ATP9B: variants seen among roughly 807,000 people sequenced by gnomAD.
ATP9B encodes probable phospholipid-transporting ATPase IIB.
Under a neutral mutation model 146.1 loss-of-function variants are expected in ATP9B, and 110 were observed. The ratio of observed to expected loss-of-function variants is 0.75; its 90% CI spans 0.65 to 0.88. The LOEUF (loss-of-function observed/expected upper bound fraction) is 0.88, where lower values mean the gene tolerates loss of function less well. ATP9B is among the 40% of genes least tolerant of loss of function. The pLI is 0.00. For missense variants in ATP9B, 1,499 were observed against 1,496.4 expected (o/e 1.00, Z -0.03); for synonymous variants, 604 against 569.7 (o/e 1.06, Z -0.86).
chr18:79,195,577 A>C (rs2095410545), intron 9 of ATP9B, among the ~76,000 whole-genome samples: 1 of 152,270 alleles, frequency 6.6e-6, no homozygotes, highest in Non-Finnish European at 1.5e-5. Flanking sequence ...TACTTAGGAA[A>C]GAACACCATA....
intron 17 of ATP9B, among the ~76,000 whole-genome samples, chr18:79,332,211 C>T (rs893299982): frequency 4.7e-4 from 72 of 152,174 alleles, no homozygotes; most frequent in African/African-American, 6.5e-4. Context: ...GGGCAGATCA[C>T]GAGGTCAGGA....
intron 13 of ATP9B, among the ~76,000 whole-genome samples, chr18:79,292,269 C>G (rs1488119052): frequency 2.0e-5 from 3 of 152,164 alleles, no homozygotes; most frequent in African/African-American, 7.2e-5. Flanking sequence ...GAGCAAAACT[C>G]TCTCTGTATG....
intron 1 of ATP9B, among the ~76,000 whole-genome samples, chr18:79,081,399 AGAG>A (rs1429480082): frequency 1.3e-5 from 2 of 151,972 alleles, no homozygotes; most frequent in Non-Finnish European, 2.9e-5. Flanking sequence ...TTATTTGCAT[AGAG>A]GTGTTTATAG....
At chr18:79,347,693 A>C (rs1290341395) in intron 23 of ATP9B, 77 bp from the exon 24 acceptor site, 3 of 1,435,778 alleles carry the variant, frequency 2.1e-6, no homozygotes, top group Non-Finnish European at 2.8e-6. Flanking sequence ...ATTTAGGCTG[A>C]GTTCTAAAAC....
At chr18:79,174,295 T>C (rs531026495) in intron 7 of ATP9B, 1 of 221,900 alleles carries the variant, frequency 4.5e-6, no homozygotes, top group African/African-American at 2.3e-5. Context: ...GCTCATTAAA[T>C]GGCCAGTCTT....
At chr18:79,281,007 G>C (rs1349766235) in intron 13 of ATP9B, among the ~76,000 whole-genome samples, 1 of 151,758 alleles carries the variant, frequency 6.6e-6, no homozygotes, top group Non-Finnish European at 1.5e-5. Flanking sequence ...TTTTTAAATA[G>C]AAAAACAAGA....
In ATP9B at chr18:79,253,491, C is replaced by T; in HGVS notation, c.1218C>T (p.Tyr406=). 1 of 1,609,410 alleles carries T rather than the reference C, an allele frequency of 6.2e-7. No homozygotes were observed. Among genetic ancestry groups the T allele is most frequent in the Non-Finnish European group, 8.5e-7 (1 of 1,178,630 alleles). Residue 406 remains tyrosine, a synonymous_variant, in exon 12 of 30, where the codon TAC becomes TAT. Coordinates refer to ENST00000426216, the MANE Select transcript of ATP9B (RefSeq NM_198531.5). ...VTLQGFVGPW[Y]RNLFRFLLLF... is the part of the protein sequence containing the mutation. ...TACAAGGATTTGTGGGTCCATGGTA[C>T]CGCAATCTTTTTCGGTTCCTTCTCC... is the stretch of plus-strand genomic sequence containing the variant.
intron 12 of ATP9B, among the ~76,000 whole-genome samples, chr18:79,275,803 C>G (rs1244227685): frequency 6.6e-6 from 1 of 152,124 alleles, no homozygotes; most frequent in African/African-American, 2.4e-5. Context: ...TTTTAAATAG[C>G]GAAAGATGGT....
chr18:79,266,469 C>T (rs1430897100), intron 12 of ATP9B, among the ~76,000 whole-genome samples: 3 of 151,794 alleles, frequency 2.0e-5, no homozygotes, highest in African/African-American at 7.3e-5. Flanking sequence ...GTTTCTGCAG[C>T]AAAGATCTTC....
intron 4 of ATP9B, among the ~76,000 whole-genome samples, chr18:79,116,690 C>CAT (rs1420677542): frequency 4.0e-5 from 2 of 49,666 alleles, no homozygotes; most frequent in Non-Finnish European, 8.0e-5. Context: ...CCAAACACCG[C>CAT]ATATTCTCAC....
chr18:79,170,487 G>T (rs1199442836), intron 7 of ATP9B, among the ~76,000 whole-genome samples: 2 of 152,100 alleles, frequency 1.3e-5, no homozygotes, highest in Non-Finnish European at 2.9e-5. Flanking sequence ...ACACTTTTAG[G>T]TTGGCCTTTT....
chr18:79,252,984 G>A lies in ATP9B; in HGVS notation c.1108-397G>A, dbSNP rs373434451. Among the ~76,000 whole-genome samples, 11 of 152,298 alleles carry A rather than the reference G, an allele frequency of 7.2e-5. No individual in the cohort carries two copies. In the East Asian group the frequency reaches 1.4e-3, roughly 19 times the overall value. ...GGCGTAGCACATGCAAGGAAGACCC[G>A]CCTGCGCCCTCAGAAGTCTCTGTTC... On this transcript the variant is annotated intron_variant, in intron 11 of 29. Coordinates refer to ENST00000426216, the MANE Select transcript of ATP9B (RefSeq NM_198531.5).
intron 9 of ATP9B, among the ~76,000 whole-genome samples, chr18:79,200,727 G>GTCGGGGTCAGAGCAGAGGTGGAGGTGGGC: frequency 2.2e-5 from 1 of 45,542 alleles, no homozygotes. Context: ...TGGAGGTGGG[G>GTCGGGGTCAGAGCAGAGGTGGAGGTGGGC]ACTGTCGGGG....
intron 29 of ATP9B, 48 bp downstream of exon 29, chr18:79,375,474 C>T: frequency 6.3e-7 from 1 of 1,584,052 alleles, no homozygotes; most frequent in Non-Finnish European, 8.6e-7. Context: ...TTTAGCCAAA[C>T]AATATTGATA....
At chr18:79,125,299 ACAC>A (rs2094264402) in intron 4 of ATP9B, among the ~76,000 whole-genome samples, 1 of 152,068 alleles carries the variant, frequency 6.6e-6, no homozygotes, top group Admixed American at 6.6e-5. Flanking sequence ...GGAGTGAGAG[ACAC>A]AGGCTGTCAG....
Position 79,303,586 on chromosome 18 carries a change from T to C in ATP9B, c.1412-18T>C. Reference sequence around the variant, plus strand: ...GCCTCCTGCATTAATGTGTTTGCTGTTGTCCCCTTTATCCTAGGAACCCTC... The same window carrying C: ...GCCTCCTGCATTAATGTGTTTGCTGCTGTCCCCTTTATCCTAGGAACCCTC... On this transcript the variant is annotated intron_variant, in intron 13 of 29. Transcript: ENST00000426216. The C allele has an allele frequency of 6.2e-7, 1 of 1,604,636 alleles. No homozygotes were observed. Among genetic ancestry groups the C allele is most frequent in the Non-Finnish European group, 8.5e-7 (1 of 1,171,716 alleles).
At chr18:79,241,739 T>C (rs1483162) in intron 11 of ATP9B, among the ~76,000 whole-genome samples, 151,756 of 152,384 alleles carry the variant, frequency 1, 75,573 homozygotes, top group Middle Eastern at 1. Flanking sequence ...AGTGCTTTAA[T>C]GGTATTCTGA....
chr18:79,327,617 TCCCTGGTTAGTGTGCC>T, intron 15 of ATP9B, among the ~76,000 whole-genome samples: 1 of 139,548 alleles, frequency 7.2e-6, no homozygotes, highest in Non-Finnish European at 1.5e-5. Flanking sequence ...TAGCGTGCCC[TCCCTGGTTAGTGTGCC>T]CTCCCTGGTT....
At chr18:79,289,261 G>A (rs148987389) in intron 13 of ATP9B, among the ~76,000 whole-genome samples, 2,336 of 152,246 alleles carry the variant, frequency 0.015, 65 homozygotes, top group African/African-American at 0.054. Flanking sequence ...CCAATCAGAC[G>A]GAGATTTGGT....
Sources: gnomAD v4.1 joint callset for allele counts (sites outside exome capture counted in the v4.1 genomes callset) on GRCh38, gnomAD v4.1.1 for gene constraint, MANE v1.5 for transcripts, NCBI Gene and HGNC (gene_info 2026-07-23, HGNC 2026-07-21) for gene names.